Variants in ANO5 observed in about 807,000 individuals in gnomAD.
ANO5 encodes anoctamin-5.
Under a neutral mutation model 121.0 loss-of-function variants are expected in ANO5, and 109 were observed. The ratio of observed to expected loss-of-function variants is 0.90; its 90% CI spans 0.77 to 1.06. The LOEUF (loss-of-function observed/expected upper bound fraction) is 1.06, where lower values mean the gene tolerates loss of function less well. ANO5 is among the 50% of genes least tolerant of loss of function. ANO5 has a pLI of 0.00. For missense variants in ANO5, 1,064 were observed against 1,078.5 expected, an observed-to-expected ratio of 0.99 and a Z score of 0.19; for synonymous variants, 406 against 359.9, an observed-to-expected ratio of 1.13 and a Z score of -1.45.
chr11:22,267,155 G>C (rs1374925080), intron 17 of ANO5, among the ~76,000 whole-genome samples: 1 of 152,026 alleles, frequency 6.6e-6, no homozygotes, highest in African/African-American at 2.4e-5. Context: ...TGGATATGCA[G>C]ATGTACTGAT....
intron 18 of ANO5, 56 bp from the exon 19 acceptor site, chr11:22,272,728 G>C (rs1233211360): frequency 6.6e-7 from 1 of 1,515,672 alleles, no homozygotes; most frequent in Admixed American, 1.7e-5. Context: ...TGGGCAGGGT[G>C]TTCCTGTCTT....
intron 9 of ANO5, among the ~76,000 whole-genome samples, chr11:22,246,690 C>T (rs190094989): frequency 5.9e-4 from 89 of 151,344 alleles, no homozygotes; most frequent in Middle Eastern, 3.4e-3. Context: ...AATAATAATA[C>T]TACTACTACA....
chr11:22,219,705 C>A (rs1352405943), intron 4 of ANO5, among the ~76,000 whole-genome samples: 3 of 151,798 alleles, frequency 2.0e-5, no homozygotes, highest in African/African-American at 7.3e-5. Context: ...TGGGTTTTTT[C>A]TTTCTTTTCA....
Position 22,227,546 on chromosome 11 carries a change from A to G in ANO5, c.608A>G (p.Asp203Gly). 1 of 1,613,542 alleles carries G rather than the reference A, an allele frequency of 6.2e-7. No homozygotes were observed. The highest frequency in any genetic ancestry group is 1.3e-5 in the African/African-American group (1 of 74,988). ...RHRQELFLIE[D>G]QATFFPSSSR... is the part of the protein sequence containing the mutation. ...CGGCAGGAGCTCTTCCTCATCGAAG[A>G]TCAGGCAACCTTCTTTCCATCCTCA... is the stretch of plus-strand genomic sequence containing the variant. The change falls in exon 7 of 22, where the codon GAT becomes GGT. Residue 203 changes from aspartate (D) to glycine (G), a missense_variant. By Grantham distance (94) the Asp-to-Gly change is moderately conservative. Transcript: ENST00000324559.
chr11:22,217,708 T>C (rs1191549391), intron 3 of ANO5, among the ~76,000 whole-genome samples: 7 of 151,952 alleles, frequency 4.6e-5, no homozygotes. Context: ...ATGTTCTCAC[T>C]GATAAGTGGG....
chr11:22,266,123 A>G (rs1159393886), intron 17 of ANO5, among the ~76,000 whole-genome samples: 2 of 152,216 alleles, frequency 1.3e-5, no homozygotes, highest in South Asian at 2.1e-4. Context: ...ATCATAGACA[A>G]AACTATTTTT....
At chr11:22,243,314 T>C (rs1247260036) in intron 9 of ANO5, among the ~76,000 whole-genome samples, 1 of 152,046 alleles carries the variant, frequency 6.6e-6, no homozygotes, top group Non-Finnish European at 1.5e-5. Flanking sequence ...GATTTGGTTT[T>C]CTAGTATTTT....
chr11:22,197,836 G>A (rs186088986), intron 1 of ANO5, among the ~76,000 whole-genome samples: 10 of 152,286 alleles, frequency 6.6e-5, no homozygotes, highest in East Asian at 5.8e-4. Context: ...AATCTAGCCC[G>A]CAGGGAGAGT....
rs776989759 is a variant in ANO5, at chr11:22,211,299, C to A, written c.123C>A (p.Ile41=). The change falls in exon 3 of 22, where the codon ATC becomes ATA. Residue 41 remains isoleucine (I), a synonymous_variant. Transcript: ENST00000324559. The part of the protein sequence containing the change: ...SLSSRETSFL[I]NEETMPAKRF... ...GCAGCAGAGAGACCAGCTTTCTCAT[C>A]AATGAAGAAACAATGGTAAGCAGCG... 6.2e-7 allele frequency: 1 copy of A among 1,612,178 alleles called. No homozygotes were observed. The highest frequency in any genetic ancestry group is 1.1e-5 in the South Asian group (1 of 91,052).
intron 20 of ANO5, among the ~76,000 whole-genome samples, chr11:22,275,315 C>CAG (rs1854798577): frequency 6.6e-6 from 1 of 151,760 alleles, no homozygotes; most frequent in South Asian, 2.1e-4. Flanking sequence ...TAAAGACACA[C>CAG]ACACACACAC....
chr11:22,224,771 A>G (rs1852768932), intron 5 of ANO5, among the ~76,000 whole-genome samples: 1 of 152,140 alleles, frequency 6.6e-6, no homozygotes, highest in Non-Finnish European at 1.5e-5. Flanking sequence ...CCATTGTTGG[A>G]TGAATAGATA....
chr11:22,243,119 G>A (rs1449034618), intron 9 of ANO5, among the ~76,000 whole-genome samples: 1 of 151,896 alleles, frequency 6.6e-6, no homozygotes, highest in Admixed American at 6.6e-5. Flanking sequence ...TGAATGGAAA[G>A]GGATGCTGAA....
At chr11:22,245,781 A>G (rs4298905) in intron 9 of ANO5, among the ~76,000 whole-genome samples, 22,670 of 152,062 alleles carry the variant, frequency 0.15, 4,926 homozygotes, top group African/African-American at 0.48. Context: ...ACCTTTCTGC[A>G]GTGTTAAAAA....
chr11:22,281,605 G>A lies in ANO5; in HGVS notation c.*1840G>A, dbSNP rs1156588042. On this transcript the variant is annotated 3_prime_UTR_variant, in exon 22 of 22. Transcript: ENST00000324559. The stretch of plus-strand genomic sequence containing the variant: ...AAATCAGATTCTCCATTGCTATAGT[G>A]TACAGTGCACACAGCTCATATTGCT... 4 of 151,986 alleles carry A rather than the reference G, an allele frequency of 2.6e-5. No homozygotes were observed. The East Asian group carries it at 5.8e-4, about 22-fold the overall frequency. 9.4% of individuals were successfully genotyped at this position (151,986 alleles called of 1,614,324 possible).
chr11:22,269,918 G>T (rs534070815), intron 17 of ANO5, among the ~76,000 whole-genome samples: 1 of 152,228 alleles, frequency 6.6e-6, no homozygotes, highest in East Asian at 1.9e-4. Context: ...TTCATATTAT[G>T]TAAGTCATTT....
intron 4 of ANO5, among the ~76,000 whole-genome samples, chr11:22,219,169 C>T (rs1484942756): frequency 6.6e-6 from 1 of 151,878 alleles, no homozygotes; most frequent in African/African-American, 2.4e-5. Context: ...TGATTTTTTT[C>T]CCATATTTAA....
In ANO5 at chr11:22,274,708, A is replaced by G. The variant is rs746089972; in HGVS notation, c.2375A>G (p.His792Arg). The change falls in exon 20 of 22, where the codon CAC becomes CGC. Residue 792 changes from histidine to arginine, a missense_variant. His to Arg is a conservative substitution (Grantham distance 29). Transcript: ENST00000324559. ...SVFLIADFPNHTAPSEKRDFI... is the reference protein window; with the variant it reads ...SVFLIADFPNRTAPSEKRDFI... ...TTCCTGATAGCTGATTTTCCAAACC[A>G]CACTGCACCTTCGGAAAAACGAGAC... 1 of 1,613,562 alleles carries G rather than the reference A, an allele frequency of 6.2e-7. No individual in the cohort carries two copies. The highest frequency in any genetic ancestry group is 8.5e-7 in the Non-Finnish European group (1 of 1,179,622).
At chr11:22,253,393 A>G (rs1244534611) in intron 12 of ANO5, among the ~76,000 whole-genome samples, 1 of 152,118 alleles carries the variant, frequency 6.6e-6, no homozygotes, top group Admixed American at 6.6e-5. Context: ...TTCAGCATTA[A>G]CAAACTTTGA....
chr11:22,268,916 G>T (rs1464930779), intron 17 of ANO5, among the ~76,000 whole-genome samples: 2 of 152,050 alleles, frequency 1.3e-5, no homozygotes, highest in Non-Finnish European at 2.9e-5. Context: ...TACTTGAGAG[G>T]TGGAGGCAGG....
Sources: allele counts gnomAD v4.1 joint callset (sites outside exome capture counted in the v4.1 genomes callset), GRCh38; gene constraint gnomAD v4.1.1; transcripts MANE v1.5; gene names NCBI Gene and HGNC (gene_info 2026-07-23, HGNC 2026-07-21).